GLIS3: variants seen among roughly 807,000 people sequenced by gnomAD.
GLIS3 encodes the protein zinc finger protein GLIS3.
GLIS3 carries 53 observed loss-of-function variants against 78.6 expected under a neutral mutation model. The observed-to-expected ratio is 0.67, with a 90% confidence interval of 0.54 to 0.85. The LOEUF (loss-of-function observed/expected upper bound fraction) is 0.85, where lower values mean the gene tolerates loss of function less well. Ranked by LOEUF, GLIS3 falls within the 40% of genes least tolerant of loss-of-function variation. The pLI, the probability that GLIS3 is intolerant of heterozygous loss-of-function variation, is 0.00. For missense variants in GLIS3, 1,703 were observed against 1,231.1 expected, an observed-to-expected ratio of 1.38 and a Z score of -5.74; for synonymous variants, 684 against 509.9, an observed-to-expected ratio of 1.34 and a Z score of -4.60.
At chr9:4,196,517 G>T (rs996785342) in intron 2 of GLIS3, among the ~76,000 whole-genome samples, 2 of 152,178 alleles carry the variant, frequency 1.3e-5, no homozygotes, top group Non-Finnish European at 2.9e-5. Flanking sequence ...AAGTTCTGCA[G>T]CTTCACTCCT....
At chr9:3,912,732 C>T (rs538175985) in intron 6 of GLIS3, among the ~76,000 whole-genome samples, 36 of 152,140 alleles carry the variant, frequency 2.4e-4, no homozygotes, top group Middle Eastern at 6.8e-3. Flanking sequence ...TTCAGAGGTA[C>T]GTCTTAAAAG....
At chr9:4,184,912 G>T (rs1586908952) in intron 2 of GLIS3, among the ~76,000 whole-genome samples, 1 of 152,132 alleles carries the variant, frequency 6.6e-6, no homozygotes, top group Non-Finnish European at 1.5e-5. Context: ...TACAGCCACA[G>T]TTGCTGACAT....
At chr9:4,367,317 T>C in the GLIS3 span, among the ~76,000 whole-genome samples, 67,863 of 151,956 alleles carry the variant, frequency 0.45, 16,148 homozygotes, top group African/African-American at 0.61. Flanking sequence ...TTTGGGATAA[T>C]TGTGACTTCC....
intron 2 of GLIS3, among the ~76,000 whole-genome samples, chr9:4,207,608 T>C (rs931885953): frequency 3.3e-5 from 5 of 152,206 alleles, no homozygotes; most frequent in Admixed American, 6.5e-5. Flanking sequence ...ACAGACATTA[T>C]TGCCTTTAAT....
At chr9:4,369,787 G>T in the GLIS3 span, among the ~76,000 whole-genome samples, 1 of 152,160 alleles carries the variant, frequency 6.6e-6, no homozygotes, top group Non-Finnish European at 1.5e-5. Context: ...GATCTAAAAA[G>T]AGTCTATCTA....
chr9:3,873,052 C>T (rs1821068540), intron 8 of GLIS3, among the ~76,000 whole-genome samples: 1 of 151,950 alleles, frequency 6.6e-6, no homozygotes, highest in South Asian at 2.1e-4. Flanking sequence ...AATAAAAAAC[C>T]TGAACAGACC....
chr9:3,965,798 T>A (rs1291306693), intron 4 of GLIS3, among the ~76,000 whole-genome samples: 2 of 152,116 alleles, frequency 1.3e-5, no homozygotes, highest in Admixed American at 6.6e-5. Context: ...CAACTCCTCC[T>A]CTCTCACTCT....
chr9:4,240,958 T>A (rs946783410), intron 2 of GLIS3, among the ~76,000 whole-genome samples: 1 of 51,212 alleles, frequency 2.0e-5, no homozygotes, highest in African/African-American at 8.2e-5. Context: ...TGTATGAGTG[T>A]GTGTGTGTGT....
chr9:4,204,919 A>AG (rs1052447445), intron 2 of GLIS3, among the ~76,000 whole-genome samples: 3 of 150,960 alleles, frequency 2.0e-5, no homozygotes, highest in Admixed American at 2.0e-4. Flanking sequence ...ATCTCAAAAA[A>AG]AAAGAAGGAG....
At chr9:4,046,489 G>A (rs939780055) in intron 4 of GLIS3, among the ~76,000 whole-genome samples, 2 of 152,178 alleles carry the variant, frequency 1.3e-5, no homozygotes, top group African/African-American at 4.8e-5. Context: ...TTAAGCAGCA[G>A]CACACAGAAA....
upstream of GLIS3, among the ~76,000 whole-genome samples, chr9:4,303,514 A>G (rs536039481): frequency 6.6e-6 from 1 of 152,348 alleles, no homozygotes; most frequent in East Asian, 1.9e-4. Flanking sequence ...TGTTCAGCCC[A>G]AACTCTTCGG....
At chr9:4,037,547 AACACACACACACACACAC>A (rs56254712) in intron 4 of GLIS3, among the ~76,000 whole-genome samples, 1 of 147,380 alleles carries the variant, frequency 6.8e-6, no homozygotes, top group Non-Finnish European at 1.5e-5. Context: ...GTGTGCACAC[AACACACACACACACACAC>A]ACACACACAC....
chr9:4,358,707 C>T, the GLIS3 span, among the ~76,000 whole-genome samples: 1 of 152,184 alleles, frequency 6.6e-6, no homozygotes, highest in Non-Finnish European at 1.5e-5. Flanking sequence ...GAGGAATGGG[C>T]ACACGTGTGT....
intron 7 of GLIS3, among the ~76,000 whole-genome samples, chr9:3,896,493 A>G (rs1822839457): frequency 6.6e-6 from 1 of 151,254 alleles, no homozygotes; most frequent in Admixed American, 6.6e-5. Context: ...GGTGAAATCC[A>G]GTCTCTACTA....
chr9:4,074,311 T>A (rs569860402), intron 4 of GLIS3, among the ~76,000 whole-genome samples: 2 of 152,314 alleles, frequency 1.3e-5, no homozygotes, highest in Admixed American at 6.5e-5. Flanking sequence ...CTGGGCTTTG[T>A]CAGAGAAATT....
At chr9:4,260,520 T>C (rs918620878) in intron 2 of GLIS3, among the ~76,000 whole-genome samples, 9 of 151,226 alleles carry the variant, frequency 6.0e-5, no homozygotes, top group Admixed American at 4.6e-4. Context: ...TTAGCCAAGA[T>C]TGTGCCACTG....
the GLIS3 span, among the ~76,000 whole-genome samples, chr9:4,398,322 T>G: frequency 1.3e-5 from 2 of 152,064 alleles, no homozygotes; most frequent in Non-Finnish European, 2.9e-5. Flanking sequence ...TAGCATGACC[T>G]GGAATCTTAT....
At chr9:4,350,721 G>C (rs976684059), upstream of GLIS3, among the ~76,000 whole-genome samples, 2 of 152,140 alleles carry the variant, frequency 1.3e-5, no homozygotes, top group Non-Finnish European at 2.9e-5. Flanking sequence ...AGGAAGAGTT[G>C]GGATTGATGT....
chr9:3,991,070 C>G (rs144348458), intron 4 of GLIS3, among the ~76,000 whole-genome samples: 201 of 152,296 alleles, frequency 1.3e-3, no homozygotes, highest in African/African-American at 4.7e-3. Context: ...AATTCTCAAG[C>G]AAAAGGTTTC....
Sources: gnomAD v4.1 joint callset for allele counts (sites outside exome capture counted in the v4.1 genomes callset) on GRCh38, gnomAD v4.1.1 for gene constraint, MANE v1.5 for transcripts, NCBI Gene and HGNC (gene_info 2026-07-23, HGNC 2026-07-21) for gene names.